Variants in KLHL7 observed in about 807,000 individuals in gnomAD.
KLHL7 encodes kelch-like protein 7.
Under a neutral mutation model 67.4 loss-of-function variants are expected in KLHL7, and 44 were observed. The observed-to-expected ratio is 0.65, with a 90% CI of 0.51 to 0.84. KLHL7 has a LOEUF of 0.84. Among genes scored for constraint, KLHL7 ranks in the 40% least tolerant of loss-of-function variants. The pLI, the probability that KLHL7 is intolerant of heterozygous loss-of-function variation, is 0.00. For missense variants in KLHL7, 362 were observed against 718.1 expected (o/e 0.50, Z 5.67); for synonymous variants, 252 against 243.3 (o/e 1.04, Z -0.33).
chr7:23,165,362 AAAAC>A (rs1784972977), intron 7 of KLHL7, among the ~76,000 whole-genome samples: 1 of 152,340 alleles, frequency 6.6e-6, no homozygotes, highest in South Asian at 2.1e-4. Flanking sequence ...TTTAAAAAAT[AAAAC>A]AACTTATTTT....
At position 23,106,041 on chromosome 7, in the gene KLHL7, G is replaced by C; in HGVS notation, c.15G>C (p.Gly5=). The C allele has an allele frequency of 1.2e-6, 2 of 1,610,342 alleles. No individual in the cohort carries two copies. Among genetic ancestry groups the C allele is most frequent in the Non-Finnish European group, 1.7e-6 (2 of 1,178,836 alleles). MAAS[G]VEKSSKKKTE... is the part of the protein sequence containing the mutation. ...GCTGAGGGAGGATGGCAGCCTCTGGGGTGGAGAAGAGCAGCAAGAAGAAGA... is the reference window on the plus strand; with the variant it reads ...GCTGAGGGAGGATGGCAGCCTCTGGCGTGGAGAAGAGCAGCAAGAAGAAGA... Residue 5 remains glycine (G), a synonymous_variant, in exon 1 of 11, where the codon GGG becomes GGC. Coordinates refer to ENST00000339077, the MANE Select transcript of KLHL7 (RefSeq NM_001031710.3).
intron 7 of KLHL7, among the ~76,000 whole-genome samples, chr7:23,153,340 A>T (rs1163239489): frequency 6.6e-6 from 1 of 152,180 alleles, no homozygotes; most frequent in Non-Finnish European, 1.5e-5. Flanking sequence ...CCATGAAGGC[A>T]CAGTCCTGGG....
intron 7 of KLHL7, among the ~76,000 whole-genome samples, chr7:23,158,227 A>C (rs911203611): frequency 1.1e-4 from 17 of 151,986 alleles, no homozygotes; most frequent in Non-Finnish European, 2.1e-4. Flanking sequence ...TCAGCCTCCC[A>C]AAGTTCTGGG....
In KLHL7 at chr7:23,106,151, C is replaced by A. The variant is rs760334668; in HGVS notation, c.120+5C>A. ...ATGAATAACATGCGGAAACAGGTAC[C>A]GCCTCTGTGGGAGTGACGGACGACG... On this transcript the variant is annotated splice_donor_5th_base_variant and intron_variant, in intron 1 of 10. Transcript: ENST00000339077. 4 of 1,609,492 alleles carry A rather than the reference C, an allele frequency of 2.5e-6. No homozygotes were observed. Among genetic ancestry groups the A allele is most frequent in the East Asian group, 2.2e-5 (1 of 44,712 alleles).
Position 23,174,064 on chromosome 7 carries a change from G to A in KLHL7, c.1527G>A (p.Lys509=), listed in dbSNP as rs1785236480. The change falls in exon 11 of 11, where the codon AAG becomes AAA. Residue 509 remains lysine (K), a synonymous_variant. Coordinates refer to ENST00000339077, the MANE Select transcript of KLHL7 (RefSeq NM_001031710.3). The part of the protein sequence containing the change: ...EYYDIKLNEW[K]MVSPMPWKGV... ...ACGATATTAAGTTGAACGAATGGAAGATGGTCTCACCAATGCCATGGAAGG... is the reference window on the plus strand; with the variant it reads ...ACGATATTAAGTTGAACGAATGGAAAATGGTCTCACCAATGCCATGGAAGG... 1 of 1,614,060 alleles carries A rather than the reference G, an allele frequency of 6.2e-7. No individual in the cohort carries two copies. The highest frequency in any genetic ancestry group is 1.7e-5 in the Admixed American group (1 of 60,010).
chr7:23,132,278 A>G (rs1278624530), intron 4 of KLHL7, among the ~76,000 whole-genome samples: 1 of 152,222 alleles, frequency 6.6e-6, no homozygotes, highest in Non-Finnish European at 1.5e-5. Flanking sequence ...CCAACAGTGT[A>G]CGAGGGTTCC....
At chr7:23,142,206 T>C (rs1027173750) in intron 5 of KLHL7, among the ~76,000 whole-genome samples, 3 of 152,210 alleles carry the variant, frequency 2.0e-5, no homozygotes, top group African/African-American at 7.2e-5. Flanking sequence ...GGGAACACTT[T>C]AATATGCAGA....
chr7:23,165,447 A>T (rs911474100), intron 7 of KLHL7, among the ~76,000 whole-genome samples: 1 of 152,192 alleles, frequency 6.6e-6, no homozygotes, highest in South Asian at 2.1e-4. Flanking sequence ...ATCCAAATAT[A>T]TTTAAGTTTA....
Position 23,105,992 on chromosome 7 carries a change from C to G in KLHL7, c.-35C>G, listed in dbSNP as rs775641014. 6.2e-7 allele frequency: 1 copy of G among 1,601,354 alleles called. No homozygotes were observed. The highest frequency in any genetic ancestry group is 8.5e-7 in the Non-Finnish European group (1 of 1,175,922). ...AGAGAGTGCGACCCCTCGCCCGGCC[C>G]GGCGAGCCCCGGGCGTGAACCGAGC... On this transcript the variant is annotated 5_prime_UTR_variant, in exon 1 of 11. Coordinates refer to ENST00000339077, the MANE Select transcript of KLHL7 (RefSeq NM_001031710.3).
At chr7:23,112,218 C>G (rs1337285235) in intron 1 of KLHL7, among the ~76,000 whole-genome samples, 3 of 152,030 alleles carry the variant, frequency 2.0e-5, no homozygotes, top group Non-Finnish European at 4.4e-5. Context: ...CTCTAGGGTT[C>G]TGGAATGCAT....
chr7:23,173,204 T>C (rs983272237), intron 10 of KLHL7, among the ~76,000 whole-genome samples, 159 bp downstream of exon 10: 3 of 152,208 alleles, frequency 2.0e-5, no homozygotes, highest in Non-Finnish European at 4.4e-5. Flanking sequence ...TGATAAAATA[T>C]CGCAGGATGT....
chr7:23,127,723 C>T (rs1268570045), intron 4 of KLHL7, among the ~76,000 whole-genome samples: 3 of 151,876 alleles, frequency 2.0e-5, no homozygotes, highest in Non-Finnish European at 4.4e-5. Flanking sequence ...CAAAAATTAG[C>T]CGAGTGCAGG....
rs779697312 is a variant in KLHL7, at chr7:23,144,025, A to T, written c.793A>T (p.Ser265Cys). 1.9e-5 allele frequency: 30 copies of T among 1,612,592 alleles called. No homozygotes were observed. The highest frequency in any genetic ancestry group is 2.4e-5 in the Non-Finnish European group (28 of 1,179,520). Residue 265 changes from serine to cysteine, a missense_variant and splice_region_variant, in exon 6 of 11, where the codon AGT becomes TGT. Around this residue, in one of 5 missense-constraint regions of KLHL7, gnomAD observed 155 missense variants for 280.8 expected, o/e 0.55. Coordinates refer to ENST00000339077, the MANE Select transcript of KLHL7 (RefSeq NM_001031710.3). ...TCCTGAATGCCTTAAGATGGTGATA[A>T]GTAAGTTGCCTTAATAACCATTTAT... ...DNPECLKMVI[S>C]GMRYHLLSPE...
At chr7:23,163,520 A>G (rs1784911275) in intron 7 of KLHL7, among the ~76,000 whole-genome samples, 1 of 152,196 alleles carries the variant, frequency 6.6e-6, no homozygotes, top group African/African-American at 2.4e-5. Flanking sequence ...TATTACAGCT[A>G]GAAAATCACA....
intron 4 of KLHL7, among the ~76,000 whole-genome samples, chr7:23,132,842 T>C (rs1783849894): frequency 6.6e-6 from 1 of 152,236 alleles, no homozygotes; most frequent in African/African-American, 2.4e-5. Flanking sequence ...AGGGGTCTAA[T>C]TTCATTCTTC....
chr7:23,171,678 C>T (rs1785166543), intron 9 of KLHL7, among the ~76,000 whole-genome samples: 1 of 152,128 alleles, frequency 6.6e-6, no homozygotes, highest in African/African-American at 2.4e-5. Context: ...ATCATTGTGC[C>T]TTAATTATGT....
At chr7:23,156,270 G>T (rs1460762436) in intron 7 of KLHL7, 1 of 197,766 alleles carries the variant, frequency 5.1e-6, no homozygotes, top group Non-Finnish European at 1.1e-5. Flanking sequence ...TCTGAATATT[G>T]ACAGAAAAAG....
In KLHL7 at chr7:23,174,035, T is replaced by A. The variant is rs753941620; in HGVS notation, c.1498T>A (p.Tyr500Asn). Residue 500 changes from tyrosine (Y) to asparagine (N), a missense_variant, in exon 11 of 11, where the codon TAT (tyrosine) becomes AAT (asparagine). By Grantham distance (143) the Tyr-to-Asn change is moderately radical. Around this residue, in one of 5 missense-constraint regions of KLHL7, gnomAD observed 136 missense variants for 252.7 expected, o/e 0.54. Transcript: ENST00000339077. ...NGLGGLDNVE[Y>N]YDIKLNEWKM... ...TGAAGGTGGTCTGGACAATGTGGAATATTACGATATTAAGTTGAACGAATG... is the reference window on the plus strand; with the variant it reads ...TGAAGGTGGTCTGGACAATGTGGAAAATTACGATATTAAGTTGAACGAATG... The A allele has an allele frequency of 6.2e-7, 1 of 1,614,190 alleles. No individual in the cohort carries two copies. The highest frequency in any genetic ancestry group is 2.2e-5 in the East Asian group (1 of 44,882).
At chr7:23,171,251 G>A (rs858264) in intron 9 of KLHL7, 7,494 of 187,866 alleles carry the variant, frequency 0.04, 235 homozygotes, top group Middle Eastern at 0.08. Flanking sequence ...TACTCTGCAT[G>A]TGAATTATAG....
Sources: gnomAD v4.1 joint callset for allele counts (sites outside exome capture counted in the v4.1 genomes callset) on GRCh38, gnomAD v4.1.1 for gene constraint, gnomAD v4.1.1 regional missense constraint, MANE v1.5 for transcripts, NCBI Gene and HGNC (gene_info 2026-07-23, HGNC 2026-07-21) for gene names.